The following NEGR1 variants were observed in gnomAD, a reference collection of about 807,000 sequenced individuals.
NEGR1 encodes the protein IgLON family member 4.
Under a neutral mutation model 40.9 loss-of-function variants are expected in NEGR1, and 10 were observed. That is an observed-to-expected ratio of 0.24 (90% CI 0.15 to 0.42). NEGR1 has a LOEUF of 0.42. Ranked by LOEUF, NEGR1 falls within the 10% of genes least tolerant of loss-of-function variation. The pLI is 1.00. For missense variants in NEGR1, 352 were observed against 438.9 expected, an observed-to-expected ratio of 0.80 and a Z score of 1.77; for synonymous variants, 185 against 166.8, an observed-to-expected ratio of 1.11 and a Z score of -0.84.
intron 1 of NEGR1, 51 bp from the exon 2 acceptor site, chr1:71,935,362 C>A: frequency 7.8e-7 from 1 of 1,278,998 alleles, no homozygotes; most frequent in South Asian, 1.2e-5. Flanking sequence ...AAATGAGAGA[C>A]AACATTATTT....
At chr1:71,807,077 T>C (rs1320181593) in intron 2 of NEGR1, among the ~76,000 whole-genome samples, 3 of 151,860 alleles carry the variant, frequency 2.0e-5, no homozygotes, top group Non-Finnish European at 4.4e-5. Flanking sequence ...TTTGTATTTT[T>C]AGTAGAGACA....
intron 3 of NEGR1, among the ~76,000 whole-genome samples, chr1:71,771,306 G>A (rs945629086): frequency 6.6e-6 from 1 of 152,202 alleles, no homozygotes; most frequent in African/African-American, 2.4e-5. Context: ...CAGGGGGTTC[G>A]GGGCTAGGGT....
intron 1 of NEGR1, among the ~76,000 whole-genome samples, chr1:72,270,517 T>C (rs1318051061): frequency 6.6e-6 from 1 of 151,846 alleles, no homozygotes; most frequent in Non-Finnish European, 1.5e-5. Context: ...TGCTACACTA[T>C]CCAGAATCCA....
At chr1:72,221,107 G>A (rs894337346) in intron 1 of NEGR1, among the ~76,000 whole-genome samples, 3 of 151,830 alleles carry the variant, frequency 2.0e-5, no homozygotes, top group African/African-American at 4.8e-5. Context: ...TCTGTTCTAC[G>A]CCATTCTCAT....
At chr1:71,614,021 A>G (rs1650360086) in intron 4 of NEGR1, among the ~76,000 whole-genome samples, 1 of 152,100 alleles carries the variant, frequency 6.6e-6, no homozygotes, top group African/African-American at 2.4e-5. Context: ...TAGGAAATAC[A>G]TCATTTTCTG....
rs1010399478 is a variant in NEGR1, at chr1:71,935,161, A to G, written c.327T>C (p.Asp109=). Residue 109 remains aspartate (D), a synonymous_variant, in exon 2 of 7, where the codon GAT becomes GAC. Coordinates refer to ENST00000357731, the MANE Select transcript of NEGR1 (RefSeq NM_173808.3). ...RDYSLQIQNV[D]VTDDGPYTCS... ...ACGTGTATGGGCCATCATCTGTCAC[A>G]TCTACATTCTGTATCTGGAGGCTGT... The G allele has an allele frequency of 8.7e-6, 14 of 1,613,738 alleles. No homozygotes were observed. Among genetic ancestry groups the G allele is most frequent in the African/African-American group, 1.3e-5 (1 of 74,912 alleles).
chr1:71,697,109 C>T (rs1346562202), intron 4 of NEGR1, among the ~76,000 whole-genome samples: 2 of 151,788 alleles, frequency 1.3e-5, no homozygotes, highest in Non-Finnish European at 2.9e-5. Flanking sequence ...TTAGCTTTAA[C>T]ATTTCTGGAT....
intron 1 of NEGR1, among the ~76,000 whole-genome samples, chr1:72,259,438 C>T (rs1327669073): frequency 1.3e-5 from 2 of 152,048 alleles, no homozygotes; most frequent in Non-Finnish European, 2.9e-5. Context: ...CTTCAAACTC[C>T]CTTTCTCCTG....
rs147635010 is a variant in NEGR1, at chr1:71,400,285, G to A, written c.*7161C>T. ...CTGGGCTCATTAGCACTAAGTAGGAGCAGAACACTCAGTTCTGGCTATAGC... is the reference window on the plus strand; with the variant it reads ...CTGGGCTCATTAGCACTAAGTAGGAACAGAACACTCAGTTCTGGCTATAGC... On this transcript the variant is annotated 3_prime_UTR_variant, in exon 7 of 7. Coordinates refer to ENST00000357731, the MANE Select transcript of NEGR1 (RefSeq NM_173808.3). The A allele has an allele frequency of 2.6e-5, 4 of 152,226 alleles. No individual in the cohort carries two copies. Among genetic ancestry groups the A allele is most frequent in the Non-Finnish European group, 5.9e-5 (4 of 68,018 alleles). The allele number at this position is 152,226 out of a possible 1,614,324, so 9.4% of individuals were successfully genotyped here.
At chr1:71,937,894 G>T (rs1645922432) in intron 1 of NEGR1, among the ~76,000 whole-genome samples, 1 of 151,994 alleles carries the variant, frequency 6.6e-6, no homozygotes, top group Non-Finnish European at 1.5e-5. Context: ...CCTTTATTTG[G>T]GGGGTATTAG....
intron 3 of NEGR1, among the ~76,000 whole-genome samples, chr1:71,723,675 T>A (rs141386529): frequency 6.6e-6 from 1 of 152,082 alleles, no homozygotes; most frequent in Non-Finnish European, 1.5e-5. Context: ...GTATCGTTTA[T>A]AATAAATTGA....
chr1:72,172,859 C>A (rs1652015324), intron 1 of NEGR1, among the ~76,000 whole-genome samples: 1 of 152,098 alleles, frequency 6.6e-6, no homozygotes, highest in Non-Finnish European at 1.5e-5. Context: ...ACATGTTGAA[C>A]CACGTCTTTC....
At chr1:71,476,518 G>A (rs758286517) in intron 6 of NEGR1, among the ~76,000 whole-genome samples, 1 of 152,042 alleles carries the variant, frequency 6.6e-6, no homozygotes, top group Admixed American at 6.6e-5. Context: ...AGATAGTAAC[G>A]TGTGGGGTAG....
intron 1 of NEGR1, among the ~76,000 whole-genome samples, chr1:72,012,805 A>G (rs1040361927): frequency 2.9e-4 from 40 of 140,114 alleles, no homozygotes; most frequent in Admixed American, 1.4e-3. Context: ...GTGTGTGTGT[A>G]TATATATATA....
chr1:71,459,354 A>C (rs962148429), intron 6 of NEGR1, among the ~76,000 whole-genome samples: 1 of 152,232 alleles, frequency 6.6e-6, no homozygotes, highest in Non-Finnish European at 1.5e-5. Context: ...GAGTGATCTC[A>C]TACTTTAATT....
At chr1:71,992,833 G>C (rs1017622444) in intron 1 of NEGR1, among the ~76,000 whole-genome samples, 16 of 152,198 alleles carry the variant, frequency 1.1e-4, no homozygotes, top group African/African-American at 3.9e-4. Context: ...ATCTGTTTGC[G>C]TGTTTGTTTT....
intron 2 of NEGR1, among the ~76,000 whole-genome samples, chr1:71,848,196 A>G (rs1014985076): frequency 3.3e-5 from 5 of 152,212 alleles, no homozygotes; most frequent in African/African-American, 9.6e-5. Context: ...AGCTGTTTCC[A>G]TAACATAAAA....
intron 2 of NEGR1, among the ~76,000 whole-genome samples, chr1:71,888,306 C>T (rs1227416740): frequency 6.6e-6 from 1 of 152,012 alleles, no homozygotes; most frequent in African/African-American, 2.4e-5. Context: ...TCTGAGGTAC[C>T]GGGTTCATCT....
At chr1:72,210,064 C>G (rs1465066361) in intron 1 of NEGR1, among the ~76,000 whole-genome samples, 2 of 151,862 alleles carry the variant, frequency 1.3e-5, no homozygotes, top group African/African-American at 2.4e-5. Context: ...CTTGAAATTA[C>G]AGTAACAAAG....
Sources: gnomAD v4.1 joint callset for allele counts (sites outside exome capture counted in the v4.1 genomes callset) on GRCh38, gnomAD v4.1.1 for gene constraint, MANE v1.5 for transcripts, NCBI Gene and HGNC (gene_info 2026-07-23, HGNC 2026-07-21) for gene names.